The following PRIM2 variants were observed in gnomAD, a reference collection of about 807,000 sequenced individuals.
PRIM2 encodes DNA primase large subunit.
In PRIM2, 39 loss-of-function variants were observed where a neutral mutation model predicts 67.3. The ratio of observed to expected loss-of-function variants is 0.58; its 90% CI spans 0.45 to 0.76. The LOEUF (loss-of-function observed/expected upper bound fraction) is 0.76, where lower values mean the gene tolerates loss of function less well. Ranked by LOEUF, PRIM2 falls within the 30% of genes least tolerant of loss-of-function variation. The probability of loss-of-function intolerance (pLI) is 0.00; values close to 1 mark genes in which losing one functional copy is unlikely to be tolerated. For synonymous variants in PRIM2, 143 were observed against 198.7 expected, an observed-to-expected ratio of 0.72 and a Z score of 2.36; for missense variants, 398 against 598.7, an observed-to-expected ratio of 0.66 and a Z score of 3.50.
the PRIM2 span, among the ~76,000 whole-genome samples, chr6:57,305,496 A>G: frequency 2.0e-5 from 3 of 152,250 alleles, no homozygotes. Flanking sequence ...TGAAATATTC[A>G]GAATCGTTTC....
chr6:57,250,819 C>T, the PRIM2 span, among the ~76,000 whole-genome samples: 2 of 152,222 alleles, frequency 1.3e-5, no homozygotes, highest in South Asian at 4.2e-4. Flanking sequence ...GGTTGAGCAT[C>T]CCAAATCTTA....
the PRIM2 span, among the ~76,000 whole-genome samples, chr6:57,254,820 C>G: frequency 0.93 from 141,380 of 152,266 alleles, 65,671 homozygotes; most frequent in South Asian, 0.98. Flanking sequence ...GTAAATTTAC[C>G]GAGGCTCCAG....
chr6:57,483,814 A>G (rs1773683385), intron 7 of PRIM2, among the ~76,000 whole-genome samples: 3 of 152,346 alleles, frequency 2.0e-5, no homozygotes, highest in Admixed American at 2.0e-4. Flanking sequence ...TCAAATAACA[A>G]AAGTACCTTT....
At chr6:57,454,950 G>A (rs1434994876) in intron 7 of PRIM2, among the ~76,000 whole-genome samples, 5 of 152,196 alleles carry the variant, frequency 3.3e-5, no homozygotes, top group African/African-American at 1.2e-4. Context: ...TCTACACAGT[G>A]CTTTGAATGT....
intron 12 of PRIM2, among the ~76,000 whole-genome samples, chr6:57,621,230 G>T (rs1776847759): frequency 6.6e-6 from 1 of 152,184 alleles, no homozygotes; most frequent in African/African-American, 2.4e-5. Flanking sequence ...AGACTTTCTT[G>T]TTCAGTCTTC....
At chr6:57,260,635 T>C in the PRIM2 span, among the ~76,000 whole-genome samples, 36 of 152,316 alleles carry the variant, frequency 2.4e-4, no homozygotes, top group African/African-American at 8.4e-4. Flanking sequence ...TAAGTTTACA[T>C]GAACCTGAAA....
rs1255387997 is a variant in PRIM2, at chr6:57,579,391, G to A, written c.1021-21702G>A. 3.3e-5 allele frequency among the ~76,000 whole-genome samples: 5 copies of A among 152,150 alleles called. No homozygotes were observed. In the East Asian group the frequency reaches 7.7e-4, roughly 24 times the overall value. On this transcript the variant is annotated intron_variant, in intron 10 of 13. Transcript: ENST00000615550. ...ATCTCATCACATTTGTCATTTCAAG[G>A]CACGGTATAGTCTTCTATTATTTAT...
intron 7 of PRIM2, among the ~76,000 whole-genome samples, chr6:57,448,464 G>T (rs1208648198): frequency 6.6e-6 from 1 of 152,138 alleles, no homozygotes; most frequent in Non-Finnish European, 1.5e-5. Flanking sequence ...AGTGAGCATG[G>T]CCCAGGGAAG....
intron 8 of PRIM2, among the ~76,000 whole-genome samples, chr6:57,519,694 A>G (rs1554348685): frequency 6.6e-6 from 1 of 152,232 alleles, no homozygotes; most frequent in Non-Finnish European, 1.5e-5. Context: ...CTGAGGCGAC[A>G]TCCTCCTCAG....
chr6:57,290,662 C>A, the PRIM2 span, among the ~76,000 whole-genome samples: 1 of 152,190 alleles, frequency 6.6e-6, no homozygotes, highest in Non-Finnish European at 1.5e-5. Flanking sequence ...TCTCAGACCA[C>A]AGTGCAATCA....
intron 5 of PRIM2, among the ~76,000 whole-genome samples, chr6:57,348,386 G>A (rs1234184710): frequency 6.6e-6 from 1 of 152,068 alleles, no homozygotes; most frequent in African/African-American, 2.4e-5. Context: ...GTTTTATCAG[G>A]CAGTAGATTT....
intron 12 of PRIM2, among the ~76,000 whole-genome samples, chr6:57,616,385 C>G (rs1776758239): frequency 6.6e-6 from 1 of 152,054 alleles, no homozygotes; most frequent in Non-Finnish European, 1.5e-5. Context: ...CTATGCCTGA[C>G]AGTGAAGCTG....
the PRIM2 span, among the ~76,000 whole-genome samples, chr6:57,234,305 G>A: frequency 1.3e-5 from 2 of 152,072 alleles, no homozygotes; most frequent in African/African-American, 4.8e-5. Context: ...ACACAAAAGG[G>A]TATCTACTCC....
chr6:57,431,736 C>T (rs1771837295), intron 7 of PRIM2, among the ~76,000 whole-genome samples: 1 of 152,124 alleles, frequency 6.6e-6, no homozygotes, highest in Non-Finnish European at 1.5e-5. Context: ...CCTAATGATA[C>T]TTTCATAGAA....
At chr6:57,222,518 CAG>C in the PRIM2 span, among the ~76,000 whole-genome samples, 1 of 152,348 alleles carries the variant, frequency 6.6e-6, no homozygotes, top group East Asian at 1.9e-4. Flanking sequence ...GTTTCGCCTA[CAG>C]AGTTATCACA....
the PRIM2 span, among the ~76,000 whole-genome samples, chr6:57,298,062 TAAA>T: frequency 6.6e-6 from 1 of 152,174 alleles, no homozygotes; most frequent in Non-Finnish European, 1.5e-5. Context: ...TGAAGAGTAA[TAAA>T]AACTTTAGAC....
At chr6:57,460,361 A>G (rs1772963166) in intron 7 of PRIM2, among the ~76,000 whole-genome samples, 2 of 152,162 alleles carry the variant, frequency 1.3e-5, no homozygotes, top group South Asian at 4.1e-4. Context: ...AAGCTTTACT[A>G]GGATTTTAGG....
chr6:57,227,397 A>G, the PRIM2 span, among the ~76,000 whole-genome samples: 1 of 152,184 alleles, frequency 6.6e-6, no homozygotes, highest in African/African-American at 2.4e-5. Context: ...TAATCCCAGC[A>G]CTTTGGGAGG....
intron 10 of PRIM2, among the ~76,000 whole-genome samples, chr6:57,547,683 G>C (rs1775316217): frequency 6.6e-6 from 1 of 152,104 alleles, no homozygotes; most frequent in South Asian, 2.1e-4. Flanking sequence ...TGGATATTAA[G>C]TACAACATTG....
Sources: gnomAD v4.1 joint callset for allele counts (sites outside exome capture counted in the v4.1 genomes callset) on GRCh38, gnomAD v4.1.1 for gene constraint, MANE v1.5 for transcripts, NCBI Gene and HGNC (gene_info 2026-07-23, HGNC 2026-07-21) for gene names.